The following LOC131768270 variants were observed in gnomAD, a reference collection of about 807,000 sequenced individuals.
the LOC131768270 span, chr5:140,564,928 G>A: frequency 1.0e-5 from 4 of 398,244 alleles, no homozygotes; most frequent in Non-Finnish European, 1.8e-5. The surrounding 1 kb of genome is among the most constrained non-coding windows in gnomAD (Gnocchi z 5.0). Context: ...TAGTTCCGGG[G>A]AGAAGCGACT....
the LOC131768270 span, chr5:140,568,413 A>G: frequency 1.8e-6 from 1 of 545,356 alleles, no homozygotes; most frequent in African/African-American, 1.9e-5. Flanking sequence ...AATTAAGGTA[A>G]CATCAATACC....
the LOC131768270 span, among the ~76,000 whole-genome samples, chr5:140,566,194 G>T: frequency 1.3e-5 from 2 of 152,204 alleles, no homozygotes; most frequent in African/African-American, 4.8e-5. Flanking sequence ...AACAGCATAT[G>T]TAAAGGCCTT....
At chr5:140,567,875 C>T in the LOC131768270 span, 2 of 1,614,228 alleles carry the variant, frequency 1.2e-6, no homozygotes, top group East Asian at 4.5e-5. Context: ...TCTAGGTCTG[C>T]ATGCTGGCGG....
chr5:140,567,799 G>T, the LOC131768270 span: 1 of 1,614,072 alleles, frequency 6.2e-7, no homozygotes, highest in East Asian at 2.2e-5. Flanking sequence ...AGCTGCTCAT[G>T]AAGCGACAGC....
At chr5:140,567,433 C>G in the LOC131768270 span, 3 of 1,614,126 alleles carry the variant, frequency 1.9e-6, no homozygotes, top group South Asian at 3.3e-5. Context: ...AGGCTGCTCC[C>G]TTCGCACTAT....
the LOC131768270 span, chr5:140,566,619 G>A: frequency 2.3e-6 from 1 of 441,754 alleles, no homozygotes; most frequent in Non-Finnish European, 4.0e-6. Flanking sequence ...TGGCTATGTG[G>A]TGGCCAAACT....
At chr5:140,567,313 C>G in the LOC131768270 span, 3 of 1,614,182 alleles carry the variant, frequency 1.9e-6, no homozygotes, top group Non-Finnish European at 2.5e-6. Context: ...GAGTGCCCTT[C>G]CGGCCCTCCT....
the LOC131768270 span, chr5:140,566,958 T>C: frequency 1.3e-6 from 1 of 750,148 alleles, no homozygotes; most frequent in Non-Finnish European, 2.3e-6. Context: ...CCTAGCTCCA[T>C]GGGACTCGCC....
the LOC131768270 span, chr5:140,567,652 T>A: frequency 6.2e-7 from 1 of 1,614,074 alleles, no homozygotes. Context: ...CAGGGGGCCT[T>A]CAAGTTCCCG....
At chr5:140,568,508 C>T in the LOC131768270 span, 1 of 289,008 alleles carries the variant, frequency 3.5e-6, no homozygotes, top group Non-Finnish European at 7.0e-6. Flanking sequence ...GGGGTGTGGG[C>T]AACAAGTGGC....
chr5:140,566,079 C>T, the LOC131768270 span: 1 of 396,672 alleles, frequency 2.5e-6, no homozygotes, highest in Non-Finnish European at 4.4e-6. Context: ...TATTGAGGGC[C>T]TATTCTCAGT....
the LOC131768270 span, chr5:140,567,150 A>C: frequency 6.2e-7 from 1 of 1,614,094 alleles, no homozygotes; most frequent in Non-Finnish European, 8.5e-7. Flanking sequence ...CCCCTTAGCC[A>C]CCCAGGGTCT....
At chr5:140,567,425 G>A in the LOC131768270 span, 346 of 1,614,118 alleles carry the variant, frequency 2.1e-4, 1 homozygote, top group African/African-American at 4.4e-3. Context: ...CTGGCGCCAG[G>A]CTGCTCCCTT....
chr5:140,565,828 TG>T, the LOC131768270 span: 1 of 398,446 alleles, frequency 2.5e-6, no homozygotes, highest in Non-Finnish European at 4.4e-6. Context: ...GAGCAAGGGG[TG>T]GGGCTTAGTC....
At chr5:140,568,994 C>T in the LOC131768270 span, 1 of 167,096 alleles carries the variant, frequency 6.0e-6, no homozygotes, top group Non-Finnish European at 1.5e-5. Flanking sequence ...TGACCTGAGA[C>T]CAGGTACAGG....
the LOC131768270 span, chr5:140,568,549 G>A: frequency 6.0e-5 from 16 of 264,542 alleles, no homozygotes; most frequent in Non-Finnish European, 1.0e-4. Context: ...ACCCAGCAGA[G>A]CCACTGGAGC....
chr5:140,567,515 C>G, the LOC131768270 span: 37 of 1,614,154 alleles, frequency 2.3e-5, no homozygotes, highest in African/African-American at 2.1e-4. Flanking sequence ...CAGCACCTAC[C>G]AGGTGCTGAG....
the LOC131768270 span, chr5:140,566,957 A>G: frequency 1.3e-6 from 1 of 747,846 alleles, no homozygotes; most frequent in East Asian, 2.7e-5. Context: ...TCCTAGCTCC[A>G]TGGGACTCGC....
chr5:140,567,684 C>T, the LOC131768270 span: 16 of 1,614,006 alleles, frequency 9.9e-6, no homozygotes, highest in South Asian at 9.9e-5. Context: ...CCCAGTCCCC[C>T]TCCAGCAGCT....
Sources: allele counts gnomAD v4.1 joint callset (sites outside exome capture counted in the v4.1 genomes callset), GRCh38; gene constraint gnomAD v4.1.1; non-coding constraint Gnocchi (gnomAD v3.1); transcripts MANE v1.5.